The following ALOX5 variants were observed in gnomAD, a reference collection of about 807,000 sequenced individuals.
ALOX5 encodes the protein polyunsaturated fatty acid 5-lipoxygenase.
In ALOX5, 64 loss-of-function variants were observed where a neutral mutation model predicts 87.9. The observed-to-expected ratio is 0.73, with a 90% CI of 0.60 to 0.90. ALOX5 has a LOEUF of 0.90. Among genes scored for constraint, ALOX5 ranks in the 40% least tolerant of loss-of-function variants. The probability of loss-of-function intolerance (pLI) is 0.00; values close to 1 mark genes in which losing one functional copy is unlikely to be tolerated. For synonymous variants in ALOX5, 388 were observed against 355.1 expected (o/e 1.09, Z -1.04); for missense variants, 822 against 907.5 (o/e 0.91, Z 1.21).
At chr10:45,396,640 A>G (rs1389580543) in intron 3 of ALOX5, among the ~76,000 whole-genome samples, 1 of 152,234 alleles carries the variant, frequency 6.6e-6, no homozygotes, top group Non-Finnish European at 1.5e-5. Context: ...TTCACTGGCT[A>G]ATTCTATCAA....
rs376698025 is a variant in ALOX5, at chr10:45,412,147, A to G, written c.432-44A>G. ...GGCCCTCAGCTGAGGGGGCAGACCA[A>G]AGGCTGGCATTTAACTCAATTTCTT... On this transcript the variant is annotated intron_variant, in intron 3 of 13. Transcript: ENST00000374391. 1.9e-6 allele frequency: 3 copies of G among 1,612,958 alleles called. No homozygotes were observed. In the African/African-American group the frequency reaches 4.0e-5, roughly 22 times the overall value.
chr10:45,421,984 A>C (rs1406500704), intron 4 of ALOX5, among the ~76,000 whole-genome samples: 1 of 152,192 alleles, frequency 6.6e-6, no homozygotes, highest in Non-Finnish European at 1.5e-5. Flanking sequence ...TTGTGGCCCC[A>C]GGACCCTCTC....
intron 2 of ALOX5, among the ~76,000 whole-genome samples, chr10:45,387,532 G>A (rs1840050560): frequency 6.6e-6 from 1 of 152,176 alleles, no homozygotes; most frequent in Non-Finnish European, 1.5e-5. Flanking sequence ...CTCTGCACCA[G>A]GGGCCCTTAG....
intron 13 of ALOX5, 147 bp from the exon 14 acceptor site, chr10:45,445,361 A>G: frequency 1.0e-6 from 1 of 966,806 alleles, no homozygotes; most frequent in Non-Finnish European, 1.5e-6. Flanking sequence ...CCCTCTTGTC[A>G]GGCAGCAGAG....
At chr10:45,395,976 G>A (rs1479473358) in intron 3 of ALOX5, 40 bp downstream of exon 3, 1 of 1,584,958 alleles carries the variant, frequency 6.3e-7, no homozygotes, top group Non-Finnish European at 8.7e-7. Flanking sequence ...CGGGGCCATG[G>A]TTTCTTCTAT....
intron 7 of ALOX5, among the ~76,000 whole-genome samples, chr10:45,434,626 C>T (rs1321692990): frequency 6.6e-6 from 1 of 152,224 alleles, no homozygotes; most frequent in East Asian, 1.9e-4. Flanking sequence ...CTTCAAACTG[C>T]TAAGGCAATG....
chr10:45,440,613 G>A lies in ALOX5; in HGVS notation c.1165G>A (p.Ala389Thr), dbSNP rs964795685. ...CATTGCAATGTACCGCCAGCTGCCT[G>A]CTGTGCACCCCATTTTCAAGGTACA... ...FGIAMYRQLP[A>T]VHPIFKLLVA... The change falls in exon 8 of 14, where the codon GCT becomes ACT. Residue 389 changes from alanine (A) to threonine (T), a missense_variant. Coordinates refer to ENST00000374391, the MANE Select transcript of ALOX5 (RefSeq NM_000698.5). 2 of 1,614,026 alleles carry A rather than the reference G, an allele frequency of 1.2e-6. No individual in the cohort carries two copies. The highest frequency in any genetic ancestry group is 1.7e-6 in the Non-Finnish European group (2 of 1,180,040).
At chr10:45,420,989 G>T (rs1237896822) in intron 4 of ALOX5, among the ~76,000 whole-genome samples, 2 of 152,242 alleles carry the variant, frequency 1.3e-5, no homozygotes, top group African/African-American at 4.8e-5. Flanking sequence ...GCCACAGTTT[G>T]GCACAGGAGA....
Position 45,384,766 on chromosome 10 carries a change from C to T in ALOX5, c.349+2085C>T, listed in dbSNP as rs186473848. ...GCAGTCACAGAGCCCACCCAGACTC[C>T]GGGGGTGGGGGTGGGGATGCAGACC... On this transcript the variant is annotated intron_variant, in intron 2 of 13. Transcript: ENST00000374391. Among the ~76,000 whole-genome samples, 6 of 151,830 alleles carry T rather than the reference C, an allele frequency of 4.0e-5. No individual in the cohort carries two copies. The East Asian group carries it at 5.8e-4, about 15-fold the overall frequency.
intron 1 of ALOX5, among the ~76,000 whole-genome samples, chr10:45,381,449 C>T (rs1839824640): frequency 6.6e-6 from 1 of 152,236 alleles, no homozygotes. Flanking sequence ...GGTGTGACTC[C>T]AGCTCTGCTG....
At chr10:45,439,768 A>T (rs2132850452) in intron 7 of ALOX5, among the ~76,000 whole-genome samples, 1 of 152,306 alleles carries the variant, frequency 6.6e-6, no homozygotes, top group Admixed American at 6.5e-5. Context: ...AAAAGAAAAA[A>T]ACTCACCTTG....
intron 2 of ALOX5, among the ~76,000 whole-genome samples, chr10:45,384,195 G>A (rs2132682244): frequency 6.6e-6 from 1 of 152,286 alleles, no homozygotes; most frequent in South Asian, 2.1e-4. Flanking sequence ...GCGGCCCTCA[G>A]TAGAAAGGTT....
intron 2 of ALOX5, among the ~76,000 whole-genome samples, chr10:45,383,822 G>GA (rs995591811): frequency 9.2e-5 from 14 of 151,818 alleles, no homozygotes; most frequent in Admixed American, 5.9e-4. Context: ...CTAATGACAG[G>GA]AAAAAAAATC....
At chr10:45,387,287 G>T (rs367776697) in intron 2 of ALOX5, among the ~76,000 whole-genome samples, 1 of 152,056 alleles carries the variant, frequency 6.6e-6, no homozygotes, top group Non-Finnish European at 1.5e-5. Flanking sequence ...GTGTAGGCAC[G>T]ACAGGAAACC....
chr10:45,397,677 CAATT>C (rs1179636489), intron 3 of ALOX5, among the ~76,000 whole-genome samples: 5 of 151,760 alleles, frequency 3.3e-5, no homozygotes, highest in Non-Finnish European at 7.4e-5. Flanking sequence ...ACAAGATAAT[CAATT>C]GTTTTTCTAT....
At chr10:45,408,987 A>G (rs1434040734) in intron 3 of ALOX5, among the ~76,000 whole-genome samples, 3 of 152,230 alleles carry the variant, frequency 2.0e-5, no homozygotes, top group Non-Finnish European at 2.9e-5. Flanking sequence ...TTTTAAATTC[A>G]GCCTAAAAGT....
chr10:45,374,328 G>A lies in ALOX5; in HGVS notation c.49G>A (p.Gly17Ser). 6.6e-7 allele frequency: 1 copy of A among 1,526,486 alleles called. No individual in the cohort carries two copies. Among genetic ancestry groups the A allele is most frequent in the African/African-American group, 1.4e-5 (1 of 69,948 alleles). 94.6% of individuals were successfully genotyped at this position (1,526,486 alleles called of 1,614,324 possible). ...GGCCACTGGCAGCCAGTGGTTCGCC[G>A]GCACTGACGACTACATCTACCTCAG... The part of the protein sequence containing the change: ...TVATGSQWFA[G>S]TDDYIYLSLV... The change falls in exon 1 of 14, where the codon GGC becomes AGC. Residue 17 changes from glycine to serine, a missense_variant. Physicochemically the swap from Gly to Ser is moderately conservative, Grantham distance 56 (BLOSUM62 0). Coordinates refer to ENST00000374391, the MANE Select transcript of ALOX5 (RefSeq NM_000698.5).
chr10:45,413,064 A>T (rs1165322241), intron 4 of ALOX5, among the ~76,000 whole-genome samples: 2 of 152,236 alleles, frequency 1.3e-5, no homozygotes, highest in African/African-American at 4.8e-5. Flanking sequence ...TCAATAGAAA[A>T]AGAGGGAATC....
intron 3 of ALOX5, among the ~76,000 whole-genome samples, chr10:45,400,976 T>C (rs571847062): frequency 6.6e-6 from 1 of 152,310 alleles, no homozygotes; most frequent in East Asian, 1.9e-4. Flanking sequence ...GTAAAGCTTT[T>C]TGGAAGATAA....
Sources: gnomAD v4.1 joint callset for allele counts (sites outside exome capture counted in the v4.1 genomes callset) on GRCh38, gnomAD v4.1.1 for gene constraint, MANE v1.5 for transcripts, NCBI Gene and HGNC (gene_info 2026-07-23, HGNC 2026-07-21) for gene names.